The following NUP107 variants were observed in gnomAD, a reference collection of about 807,000 sequenced individuals.
NUP107 encodes nucleoporin 107.
A neutral mutation model predicts 141.0 loss-of-function variants in NUP107; 101 were observed. The observed-to-expected ratio is 0.72, with a 90% CI of 0.61 to 0.84. The LOEUF (loss-of-function observed/expected upper bound fraction) is 0.84. Ranked by LOEUF, NUP107 falls within the 40% of genes least tolerant of loss-of-function variation. The pLI is 0.00. For synonymous variants in NUP107, 319 were observed against 363.9 expected (o/e 0.88, Z 1.41); for missense variants, 941 against 1,102.7 (o/e 0.85, Z 2.08).
chr12:68,706,591 T>C (rs762638993), intron 8 of NUP107: 34 of 691,730 alleles, frequency 4.9e-5, no homozygotes, highest in South Asian at 2.0e-4. Context: ...CAGGATGAGA[T>C]TGAGGGCCTC....
chr12:68,722,276 C>T, intron 17 of NUP107, 124 bp downstream of exon 17: 1 of 739,404 alleles, frequency 1.4e-6, no homozygotes, highest in South Asian at 2.6e-5. Flanking sequence ...AAATAAGAAT[C>T]ATTCTTTGAA....
At chr12:68,705,751 C>T (rs746200406) in intron 8 of NUP107, 6 of 711,546 alleles carry the variant, frequency 8.4e-6, no homozygotes, top group Non-Finnish European at 1.3e-5. Flanking sequence ...GAGCTTCTCC[C>T]GAATGGGCAG....
intron 8 of NUP107, chr12:68,705,816 A>G (rs1592500892): frequency 1.3e-6 from 1 of 766,328 alleles, no homozygotes. Context: ...GTGGTAGGGG[A>G]GGCATCACCC....
chr12:68,738,142 G>A (rs1317388888), intron 26 of NUP107, among the ~76,000 whole-genome samples: 1 of 152,172 alleles, frequency 6.6e-6, no homozygotes, highest in Non-Finnish European at 1.5e-5. Context: ...CAGGCATGGT[G>A]GCACGTGCCT....
At chr12:68,693,081 AT>A (rs200195932) in intron 5 of NUP107, among the ~76,000 whole-genome samples, 3 of 136,502 alleles carry the variant, frequency 2.2e-5, no homozygotes, top group African/African-American at 8.3e-5. Context: ...TTATTTATTT[AT>A]TTATTTTTTT....
chr12:68,710,833 A>G (rs536288266), intron 10 of NUP107, among the ~76,000 whole-genome samples: 16 of 152,204 alleles, frequency 1.1e-4, no homozygotes, highest in Non-Finnish European at 2.2e-4. Flanking sequence ...TGTGTAGGTT[A>G]TATACAAATA....
intron 3 of NUP107, among the ~76,000 whole-genome samples, chr12:68,690,076 A>T (rs914886446): frequency 6.6e-6 from 1 of 151,336 alleles, no homozygotes; most frequent in African/African-American, 2.4e-5. Flanking sequence ...GCTACTCCGG[A>T]GGGTGAGGCA....
At chr12:68,723,488 TG>T (rs1410226567) in intron 17 of NUP107, among the ~76,000 whole-genome samples, 5 of 151,982 alleles carry the variant, frequency 3.3e-5, no homozygotes, top group Non-Finnish European at 5.9e-5. Flanking sequence ...CCCAGCTACT[TG>T]GGAGGCTGAG....
chr12:68,700,302 A>G (rs1279694997), intron 6 of NUP107, among the ~76,000 whole-genome samples: 1 of 152,210 alleles, frequency 6.6e-6, no homozygotes, highest in African/African-American at 2.4e-5. Flanking sequence ...TTAGGAAAAT[A>G]TCTTTCTTGA....
Position 68,735,357 on chromosome 12 carries a change from C to T in NUP107, c.2502+13C>T. The T allele has an allele frequency of 6.3e-7, 1 of 1,592,254 alleles. No homozygotes were observed. The highest frequency in any genetic ancestry group is 8.6e-7 in the Non-Finnish European group (1 of 1,160,348). ...GGATGTTAGAGAGGTAAGCTGTGTG[C>T]ATTGTTTATAGCCAAAAACCAAAAC... On this transcript the variant is annotated intron_variant, in intron 26 of 27. Coordinates refer to ENST00000229179, the MANE Select transcript of NUP107 (RefSeq NM_020401.4).
At chr12:68,695,441 A>T (rs1397265414) in intron 5 of NUP107, among the ~76,000 whole-genome samples, 2 of 152,194 alleles carry the variant, frequency 1.3e-5, no homozygotes, top group Non-Finnish European at 2.9e-5. Context: ...TCAGCCAAAT[A>T]TGAAGGACAT....
At chr12:68,700,274 A>C (rs1470284889) in intron 6 of NUP107, among the ~76,000 whole-genome samples, 1 of 152,112 alleles carries the variant, frequency 6.6e-6, no homozygotes, top group African/African-American at 2.4e-5. Context: ...AGAAATGATA[A>C]TGTTTTTGGT....
rs1436487467 is a variant in NUP107, at chr12:68,745,232, A to AT, written c.*2776dup. 11 of 152,180 alleles carry AT rather than the reference A, an allele frequency of 7.2e-5. No individual in the cohort carries two copies. Among genetic ancestry groups the AT allele is most frequent in the African/African-American group, 2.7e-4 (11 of 41,448 alleles). The allele number at this position is 152,180 out of a possible 1,614,324, so 9.4% of individuals were successfully genotyped here. ...TGCCCTACTTCCTCATTTATTTTAAATTTTTTGTACCACAGTCTCTCTTTT... is the reference window on the plus strand; with the variant it reads ...TGCCCTACTTCCTCATTTATTTTAAATTTTTTTGTACCACAGTCTCTCTTTT... On this transcript the variant is annotated 3_prime_UTR_variant, in exon 28 of 28. Transcript: ENST00000229179.
At chr12:68,705,946 T>C (rs1876558389) in intron 8 of NUP107, 2 of 909,912 alleles carry the variant, frequency 2.2e-6, no homozygotes, top group Non-Finnish European at 3.7e-6. Flanking sequence ...GTTTGCCTCC[T>C]TCATTGACAA....
intron 22 of NUP107, among the ~76,000 whole-genome samples, chr12:68,732,032 A>G (rs534392344): frequency 6.6e-6 from 1 of 152,218 alleles, no homozygotes; most frequent in Non-Finnish European, 1.5e-5. Flanking sequence ...ATAGAAAGTT[A>G]TATCTAAGAA....
chr12:68,701,348 C>T (rs1876317509), intron 7 of NUP107, among the ~76,000 whole-genome samples: 1 of 152,146 alleles, frequency 6.6e-6, no homozygotes. Context: ...TGAATTACAG[C>T]AGCTCTGTTA....
chr12:68,724,451 T>C (rs1237117825), intron 17 of NUP107, among the ~76,000 whole-genome samples: 3 of 152,010 alleles, frequency 2.0e-5, no homozygotes, highest in Admixed American at 1.3e-4. Flanking sequence ...TTTTGTCAAG[T>C]AGAAGAATAA....
Position 68,734,698 on chromosome 12 carries a change from C to A in NUP107, c.2263-10C>A. ...ATTTTATATTTTGGTTTTTTTATTT[C>A]ACATTTTAGGAAGCCCATGAAACCT... On this transcript the variant is annotated splice_polypyrimidine_tract_variant and intron_variant, in intron 24 of 27. Coordinates refer to ENST00000229179, the MANE Select transcript of NUP107 (RefSeq NM_020401.4). 1 of 1,504,384 alleles carries A rather than the reference C, an allele frequency of 6.6e-7. No individual in the cohort carries two copies. Among genetic ancestry groups the A allele is most frequent in the East Asian group, 2.4e-5 (1 of 41,922 alleles). 93.2% of individuals were successfully genotyped at this position (1,504,384 alleles called of 1,614,324 possible).
intron 8 of NUP107, chr12:68,707,141 C>A: frequency 1.8e-6 from 1 of 549,534 alleles, no homozygotes; most frequent in Non-Finnish European, 3.2e-6. Context: ...TCCAGAGGAG[C>A]ACAGGGAACA....
Sources: allele counts gnomAD v4.1 joint callset (sites outside exome capture counted in the v4.1 genomes callset), GRCh38; gene constraint gnomAD v4.1.1; transcripts MANE v1.5; gene names NCBI Gene and HGNC (gene_info 2026-07-23, HGNC 2026-07-21).